SLC39A8: variants seen among roughly 807,000 people sequenced by gnomAD.
SLC39A8 encodes the protein metal cation symporter ZIP8.
In SLC39A8, 15 loss-of-function variants were observed where a neutral mutation model predicts 40.4. The ratio of observed to expected loss-of-function variants is 0.37; its 90% CI spans 0.25 to 0.57. The LOEUF (loss-of-function observed/expected upper bound fraction) is 0.57. Among genes scored for constraint, SLC39A8 ranks in the 20% least tolerant of loss-of-function variants. The pLI is 0.75. For synonymous variants in SLC39A8, 223 were observed against 221.6 expected, an observed-to-expected ratio of 1.01 and a Z score of -0.06; for missense variants, 472 against 558.8, an observed-to-expected ratio of 0.84 and a Z score of 1.57.
intron 6 of SLC39A8, 81 bp downstream of exon 6, chr4:102,304,236 C>A: frequency 9.3e-7 from 1 of 1,079,458 alleles, no homozygotes; most frequent in Non-Finnish European, 1.3e-6. Context: ...TGTACAAAAA[C>A]TGACTTAGCT....
At chr4:102,343,817 AAATACTAG>A (rs1459659867) in intron 2 of SLC39A8, among the ~76,000 whole-genome samples, 1 of 152,198 alleles carries the variant, frequency 6.6e-6, no homozygotes, top group African/African-American at 2.4e-5. Flanking sequence ...CATTTTGGAT[AAATACTAG>A]AATCAAATAT....
intron 6 of SLC39A8, among the ~76,000 whole-genome samples, chr4:102,289,073 AC>A (rs2149022567): frequency 1.3e-5 from 2 of 152,284 alleles, no homozygotes; most frequent in South Asian, 4.1e-4. Flanking sequence ...GCTTCAAAGG[AC>A]AGGCTGACTC....
intron 2 of SLC39A8, among the ~76,000 whole-genome samples, chr4:102,330,175 C>G (rs1735389819): frequency 6.6e-6 from 1 of 151,998 alleles, no homozygotes; most frequent in Non-Finnish European, 1.5e-5. Flanking sequence ...AAGATCAGAG[C>G]AGAACTGAAG....
At chr4:102,328,307 T>C (rs1348195439) in intron 2 of SLC39A8, among the ~76,000 whole-genome samples, 1 of 151,996 alleles carries the variant, frequency 6.6e-6, no homozygotes, top group Non-Finnish European at 1.5e-5. Flanking sequence ...TATTGCTAAA[T>C]ACAATGGGTG....
chr4:102,260,177 C>G (rs938893663), downstream of SLC39A8, among the ~76,000 whole-genome samples: 1 of 152,174 alleles, frequency 6.6e-6, no homozygotes, highest in South Asian at 2.1e-4. Context: ...AAAGCAGTTC[C>G]CTAAACTGGC....
intron 6 of SLC39A8, among the ~76,000 whole-genome samples, chr4:102,278,728 T>C (rs1732737285): frequency 6.6e-6 from 1 of 152,146 alleles, no homozygotes; most frequent in Non-Finnish European, 1.5e-5. Flanking sequence ...AGCAAAGACT[T>C]GGAACCAACC....
At chr4:102,266,748 C>T (rs563538889) in intron 8 of SLC39A8, among the ~76,000 whole-genome samples, 1 of 152,196 alleles carries the variant, frequency 6.6e-6, no homozygotes, top group African/African-American at 2.4e-5. Flanking sequence ...GCTGGGATTA[C>T]AGGCGCCCGC....
At chr4:102,344,358 T>C in intron 2 of SLC39A8, 86 bp downstream of exon 2, 3 of 958,852 alleles carry the variant, frequency 3.1e-6, no homozygotes, top group Non-Finnish European at 4.4e-6. Flanking sequence ...TCTCCTGCAC[T>C]TTTCCCAAAT....
At chr4:102,294,773 T>G (rs972636710) in intron 6 of SLC39A8, among the ~76,000 whole-genome samples, 3 of 152,046 alleles carry the variant, frequency 2.0e-5, no homozygotes, top group Non-Finnish European at 4.4e-5. Context: ...AAAACTCAAC[T>G]AAAAATGTGC....
downstream of SLC39A8, among the ~76,000 whole-genome samples, chr4:102,259,039 G>C (rs930728918): frequency 6.6e-6 from 1 of 152,178 alleles, no homozygotes; most frequent in Non-Finnish European, 1.5e-5. Context: ...CACTTCACCT[G>C]CAAAAGCACT....
At chr4:102,259,319 C>T (rs1731784388), downstream of SLC39A8, 1 of 505,550 alleles carries the variant, frequency 2.0e-6, no homozygotes, top group African/African-American at 2.0e-5. Context: ...CGTGTTGCCT[C>T]ACTGGGGTTT....
intron 6 of SLC39A8, among the ~76,000 whole-genome samples, chr4:102,288,943 T>C (rs1401238122): frequency 2.0e-5 from 3 of 152,126 alleles, no homozygotes; most frequent in African/African-American, 7.2e-5. Flanking sequence ...CTAAAATCAT[T>C]GATGAAGGTG....
chr4:102,308,058 G>A (rs1282554185), intron 3 of SLC39A8, among the ~76,000 whole-genome samples: 3 of 151,994 alleles, frequency 2.0e-5, no homozygotes, highest in African/African-American at 7.2e-5. Context: ...ATGGAGATGG[G>A]TCACAGTGAG....
At chr4:102,266,129 T>C (rs1254015143) in intron 8 of SLC39A8, among the ~76,000 whole-genome samples, 1 of 152,214 alleles carries the variant, frequency 6.6e-6, no homozygotes, top group Admixed American at 6.5e-5. Flanking sequence ...GTGTGATTTT[T>C]TGTTGTTTAA....
chr4:102,278,158 C>T (rs982923593), intron 6 of SLC39A8, among the ~76,000 whole-genome samples: 2 of 152,136 alleles, frequency 1.3e-5, no homozygotes, highest in Non-Finnish European at 2.9e-5. Context: ...AACTAAAGAG[C>T]TTCTGCACAG....
intron 6 of SLC39A8, among the ~76,000 whole-genome samples, chr4:102,280,572 A>T (rs552119677): frequency 6.6e-6 from 1 of 152,348 alleles, no homozygotes; most frequent in Non-Finnish European, 1.5e-5. Context: ...TTTGTATTTT[A>T]TAGCTGGTGA....
intron 2 of SLC39A8, among the ~76,000 whole-genome samples, chr4:102,323,134 G>A (rs970958112): frequency 1.3e-5 from 2 of 152,196 alleles, no homozygotes; most frequent in Non-Finnish European, 2.9e-5. Flanking sequence ...GATGCAACAA[G>A]TAAGAGGTTT....
intron 6 of SLC39A8, among the ~76,000 whole-genome samples, chr4:102,301,927 T>C (rs1733943289): frequency 6.6e-6 from 1 of 152,118 alleles, no homozygotes; most frequent in African/African-American, 2.4e-5. Context: ...CAGCTCATTC[T>C]GATACTCAAG....
intron 2 of SLC39A8, among the ~76,000 whole-genome samples, chr4:102,321,383 A>G (rs528667296): frequency 2.6e-5 from 4 of 152,184 alleles, no homozygotes; most frequent in Admixed American, 2.6e-4. Context: ...GTGGGAGAAT[A>G]GGATGGAGCC....
Sources: gnomAD v4.1 joint callset for allele counts (sites outside exome capture counted in the v4.1 genomes callset) on GRCh38, gnomAD v4.1.1 for gene constraint, MANE v1.5 for transcripts, NCBI Gene and HGNC (gene_info 2026-07-23, HGNC 2026-07-21) for gene names.